The following KSR2 variants were observed in gnomAD, a reference collection of about 807,000 sequenced individuals.
KSR2 encodes the protein kinase suppressor of ras 2.
A neutral mutation model predicts 107.8 loss-of-function variants in KSR2; 25 were observed. The observed-to-expected ratio is 0.23, with a 90% CI of 0.17 to 0.32. The LOEUF is 0.32. Ranked by LOEUF, KSR2 falls within the 10% of genes least tolerant of loss-of-function variation. KSR2 has a pLI of 1.00. For missense variants in KSR2, 887 were observed against 1,268.9 expected (o/e 0.70, Z 4.57); for synonymous variants, 480 against 507.0 (o/e 0.95, Z 0.71).
At chr12:117,809,589 C>T (rs764518283) in intron 3 of KSR2, among the ~76,000 whole-genome samples, 8 of 152,226 alleles carry the variant, frequency 5.3e-5, no homozygotes, top group East Asian at 1.9e-4. Context: ...ATCAACATCA[C>T]TCTCTGTTGC....
At chr12:117,606,584 TCTTCCTTCCTTCTTTCCTC>T (rs144777692) in intron 5 of KSR2, among the ~76,000 whole-genome samples, 21,138 of 37,662 alleles carry the variant, frequency 0.56, 6,113 homozygotes, top group South Asian at 0.73. Flanking sequence ...TCCCTTCCCT[TCTTCCTTCCTTCTTTCCTC>T]CTTCCTTCCT....
rs551601931 is a variant in KSR2, at chr12:117,906,438, G to A, written c.181-46007C>T. Among the ~76,000 whole-genome samples the A allele has an allele frequency of 8.0e-5, 12 of 149,738 alleles. No individual in the cohort carries two copies. The South Asian group carries it at 1.1e-3, about 13-fold the overall frequency. On this transcript the variant is annotated intron_variant, in intron 1 of 19. Transcript: ENST00000339824. ...AGCCTGGCCAATCTGGGGAAACCCC[G>A]TCTCTAAAAATACAAAAATTAGCTG... is the stretch of plus-strand genomic sequence containing the variant.
chr12:117,504,635 C>G (rs1983042), intron 14 of KSR2, among the ~76,000 whole-genome samples: 104,984 of 151,960 alleles, frequency 0.69, 36,729 homozygotes, highest in South Asian at 0.83. Flanking sequence ...TGTGCTTTTG[C>G]ATGCTCTGGG....
At chr12:117,830,026 G>A (rs956548773) in intron 3 of KSR2, among the ~76,000 whole-genome samples, 3 of 152,160 alleles carry the variant, frequency 2.0e-5, no homozygotes, top group Admixed American at 1.3e-4. Context: ...CCAGCACTCT[G>A]GGAGGCCAAG....
chr12:117,518,214 G>A (rs530648504), intron 14 of KSR2, among the ~76,000 whole-genome samples: 41 of 152,244 alleles, frequency 2.7e-4, no homozygotes, highest in African/African-American at 8.4e-4. Context: ...ACCCAGCGAG[G>A]GGATTGGTGA....
intron 4 of KSR2, among the ~76,000 whole-genome samples, chr12:117,716,720 C>T (rs1359651902): frequency 6.6e-6 from 1 of 152,184 alleles, no homozygotes; most frequent in African/African-American, 2.4e-5. Flanking sequence ...GACCTTGGTC[C>T]AGTCAATTAA....
At chr12:117,566,671 T>C (rs947115797) in intron 7 of KSR2, among the ~76,000 whole-genome samples, 3 of 152,188 alleles carry the variant, frequency 2.0e-5, no homozygotes, top group East Asian at 1.9e-4. Context: ...ATGGGCAGAA[T>C]TGGGACAATT....
At chr12:117,513,772 A>T (rs1874186820) in intron 14 of KSR2, among the ~76,000 whole-genome samples, 1 of 152,248 alleles carries the variant, frequency 6.6e-6, no homozygotes, top group South Asian at 2.1e-4. Context: ...CTTCAGTATG[A>T]ATCAGACAGT....
chr12:117,508,688 G>A (rs1167110064), intron 14 of KSR2, among the ~76,000 whole-genome samples: 3 of 152,014 alleles, frequency 2.0e-5, no homozygotes, highest in African/African-American at 7.3e-5. Context: ...ATGGGTAAAT[G>A]GACAGGTGGA....
intron 3 of KSR2, among the ~76,000 whole-genome samples, chr12:117,780,054 A>G (rs1435699154): frequency 6.6e-6 from 1 of 152,252 alleles, no homozygotes; most frequent in Non-Finnish European, 1.5e-5. Flanking sequence ...ATATCATGAA[A>G]AAAGTAATAC....
intron 3 of KSR2, among the ~76,000 whole-genome samples, chr12:117,832,153 C>T (rs138423474): frequency 1.1e-4 from 17 of 152,170 alleles, no homozygotes; most frequent in East Asian, 1.9e-4. Flanking sequence ...GGTGTGGTGA[C>T]GTGCACTGTA....
chr12:117,695,542 CAAAAAA>C (rs770628810), intron 4 of KSR2, among the ~76,000 whole-genome samples: 32 of 131,250 alleles, frequency 2.4e-4, no homozygotes, highest in South Asian at 1.0e-3. Context: ...CCCATTTCTA[CAAAAAA>C]AAAAAAAAAA....
chr12:117,498,268 C>G (rs1475630209), intron 14 of KSR2, among the ~76,000 whole-genome samples: 2 of 152,090 alleles, frequency 1.3e-5, no homozygotes, highest in Non-Finnish European at 2.9e-5. Context: ...CTGAGCTCAG[C>G]TGAGACTACC....
chr12:117,753,451 G>T (rs1431002957), intron 4 of KSR2, among the ~76,000 whole-genome samples: 1 of 152,056 alleles, frequency 6.6e-6, no homozygotes, highest in Non-Finnish European at 1.5e-5. Context: ...AGTATATGTG[G>T]TATATATACA....
chr12:117,643,834 T>C (rs1177636452), intron 5 of KSR2, among the ~76,000 whole-genome samples: 4 of 152,222 alleles, frequency 2.6e-5, no homozygotes, highest in African/African-American at 7.2e-5. Context: ...CAGAGCCTCC[T>C]CTCACTCTAA....
intron 1 of KSR2, among the ~76,000 whole-genome samples, chr12:117,877,667 T>C (rs567004335): frequency 2.0e-5 from 3 of 152,168 alleles, no homozygotes; most frequent in Admixed American, 6.6e-5. Context: ...AGAGTAACAA[T>C]GGAACTTGCC....
intron 1 of KSR2, among the ~76,000 whole-genome samples, chr12:117,928,892 C>T (rs1895615540): frequency 6.7e-6 from 1 of 149,682 alleles, no homozygotes; most frequent in Non-Finnish European, 1.5e-5. Flanking sequence ...TTAGCAAAGG[C>T]AAGTGCCTGG....
At position 117,968,311 on chromosome 12, in the gene KSR2, G is replaced by GGT; in HGVS notation, c.-57_-56insAC. The GGT allele has an allele frequency of 6.9e-7, 1 of 1,456,370 alleles. No individual in the cohort carries two copies. The highest frequency in any genetic ancestry group is 9.0e-7 in the Non-Finnish European group (1 of 1,111,972). 90.2% of individuals were successfully genotyped at this position (1,456,370 alleles called of 1,614,324 possible). On this transcript the variant is annotated 5_prime_UTR_variant, in exon 1 of 20. Transcript: ENST00000339824. ...CTCCTCCCAGAGAGAAAAAAGAGGG[G>GGT]GGGGAGTAGAGGTAGTCTACCCTCC...
chr12:117,747,544 T>C (rs1468068787), intron 4 of KSR2, among the ~76,000 whole-genome samples: 1 of 152,050 alleles, frequency 6.6e-6, no homozygotes, highest in Admixed American at 6.6e-5. Flanking sequence ...GGCACATGTA[T>C]ACCTGTGTGA....
Sources: allele counts gnomAD v4.1 joint callset (sites outside exome capture counted in the v4.1 genomes callset), GRCh38; gene constraint gnomAD v4.1.1; transcripts MANE v1.5; gene names NCBI Gene and HGNC (gene_info 2026-07-23, HGNC 2026-07-21).